The following ANK2 variants were observed in gnomAD, a reference collection of about 807,000 sequenced individuals.
ANK2 encodes the protein ankyrin 2, also known as ankyrin-2.
In ANK2, 83 loss-of-function variants were observed where a neutral mutation model predicts 360.5. That is an observed-to-expected ratio of 0.23 (90% CI 0.19 to 0.28). ANK2 has a LOEUF of 0.28. Among genes scored for constraint, ANK2 ranks in the 10% least tolerant of loss-of-function variants. The pLI, the probability that ANK2 is intolerant of heterozygous loss-of-function variation, is 1.00. For synonymous variants in ANK2, 1,740 were observed against 1,759.5 expected (o/e 0.99, Z 0.28); for missense variants, 4,201 against 4,795.7 (o/e 0.88, Z 3.66).
chr4:112,978,587 G>A (rs956114890), intron 2 of ANK2, among the ~76,000 whole-genome samples: 3 of 152,114 alleles, frequency 2.0e-5, no homozygotes, highest in Non-Finnish European at 4.4e-5. Context: ...TTGTCCTTTT[G>A]TGCCTGCCTT....
At chr4:112,971,014 GA>G (rs773253633) in intron 2 of ANK2, among the ~76,000 whole-genome samples, 13 of 151,692 alleles carry the variant, frequency 8.6e-5, no homozygotes, top group Non-Finnish European at 1.6e-4. Context: ...GGTAAAAGGG[GA>G]AAATATAAAT....
At chr4:113,094,591 A>C (rs1047840455) in intron 1 of ANK2, among the ~76,000 whole-genome samples, 1 of 152,124 alleles carries the variant, frequency 6.6e-6, no homozygotes, top group Non-Finnish European at 1.5e-5. Flanking sequence ...AGTGTATTAC[A>C]GTTATCTTCT....
the ANK2 span, among the ~76,000 whole-genome samples, chr4:112,706,265 C>T: frequency 2.6e-4 from 40 of 152,106 alleles, no homozygotes; most frequent in African/African-American, 9.4e-4. Context: ...ATTGTCCTCG[C>T]GTCCCCCAAG....
chr4:113,237,263 T>C, intron 6 of ANK2, 91 bp downstream of exon 6: 2 of 1,425,690 alleles, frequency 1.4e-6, no homozygotes, highest in East Asian at 2.3e-5. Context: ...ATGGTGATAA[T>C]GCAAAATTAT....
chr4:113,100,031 CAT>C (rs769294228), intron 1 of ANK2, among the ~76,000 whole-genome samples: 3 of 151,934 alleles, frequency 2.0e-5, no homozygotes, highest in Admixed American at 6.6e-5. Flanking sequence ...TAGAAGATAA[CAT>C]AGCAGAAAAT....
intron 17 of ANK2, among the ~76,000 whole-genome samples, chr4:113,279,810 A>G (rs1361416959): frequency 6.6e-6 from 1 of 151,650 alleles, no homozygotes; most frequent in African/African-American, 2.4e-5. Flanking sequence ...AAGTACTTGA[A>G]CTGTCAAAAG....
At chr4:112,983,997 G>A (rs142500839) in intron 2 of ANK2, among the ~76,000 whole-genome samples, 8 of 152,268 alleles carry the variant, frequency 5.3e-5, no homozygotes, top group African/African-American at 1.4e-4. Context: ...CATTCTTGAC[G>A]AAATAATAAT....
At chr4:113,364,164 C>G (rs897728700) in intron 40 of ANK2, among the ~76,000 whole-genome samples, 1 of 152,162 alleles carries the variant, frequency 6.6e-6, no homozygotes, top group Non-Finnish European at 1.5e-5. Flanking sequence ...ACCGCCATCA[C>G]GCATTGGTTC....
At chr4:112,831,260 G>A (rs2059661020) in intron 1 of ANK2, among the ~76,000 whole-genome samples, 1 of 152,264 alleles carries the variant, frequency 6.6e-6, no homozygotes, top group South Asian at 2.1e-4. Context: ...GGCGAAGCAA[G>A]CTGGGCTCCT....
the ANK2 span, among the ~76,000 whole-genome samples, chr4:112,714,969 G>C: frequency 1.3e-5 from 2 of 152,168 alleles, no homozygotes; most frequent in Non-Finnish European, 2.9e-5. Context: ...AAACATAGTG[G>C]CTTCAAACAA....
At chr4:113,234,285 A>T (rs2099353772) in intron 5 of ANK2, among the ~76,000 whole-genome samples, 1 of 152,212 alleles carries the variant, frequency 6.6e-6, no homozygotes, top group African/African-American at 2.4e-5. Context: ...ATCCCCAGAA[A>T]GTTAAAATCC....
Position 113,250,407 on chromosome 4 carries a change from A to G in ANK2, c.990+545A>G, listed in dbSNP as rs1327520966. ...ACCTACAAAGAACTATTAAGCAAGC[A>G]TATTTTCTTTATGACATACTACATC... is the stretch of plus-strand genomic sequence containing the variant. On this transcript the variant is annotated intron_variant, in intron 10 of 45. Coordinates refer to ENST00000357077, the MANE Select transcript of ANK2 (RefSeq NM_001148.6). 3.3e-5 allele frequency among the ~76,000 whole-genome samples: 5 copies of G among 152,224 alleles called. No individual in the cohort carries two copies. The South Asian group carries it at 8.3e-4, about 25-fold the overall frequency.
chr4:112,768,209 C>T, the ANK2 span, among the ~76,000 whole-genome samples: 1 of 152,114 alleles, frequency 6.6e-6, no homozygotes, highest in Admixed American at 6.6e-5. Context: ...CCCAACTGAA[C>T]TCAGAAGCAT....
At position 113,252,618 on chromosome 4, in the gene ANK2, A is replaced by G. The variant is rs1405690546; in HGVS notation, c.990+2756A>G. Among the ~76,000 whole-genome samples, 7 of 151,910 alleles carry G rather than the reference A, an allele frequency of 4.6e-5. 1 individual carries two copies. Among genetic ancestry groups the G allele is most frequent in the Non-Finnish European group, 4.4e-5 (3 of 67,958 alleles). ...AACTTCACACTTGCCAGCCCCTCCT[A>G]TGTTTCAGCTCACTCTCTTCAGAAC... On this transcript the variant is annotated intron_variant, in intron 10 of 45. Transcript: ENST00000357077.
chr4:113,034,840 G>C (rs1258383761), intron 2 of ANK2: 3 of 151,858 alleles, frequency 2.0e-5, no homozygotes, highest in Non-Finnish European at 4.4e-5. Flanking sequence ...TTATTAAATA[G>C]ACATAATAAT....
At chr4:113,372,911 C>T (rs1564178637) in intron 43 of ANK2, among the ~76,000 whole-genome samples, 179 bp from the exon 44 acceptor site, 1 of 152,194 alleles carries the variant, frequency 6.6e-6, no homozygotes, top group African/African-American at 2.4e-5. Flanking sequence ...TGGTCAGATT[C>T]TCCTAAGCAT....
chr4:113,305,169 T>C (rs970468354), intron 23 of ANK2, among the ~76,000 whole-genome samples: 1 of 150,336 alleles, frequency 6.7e-6, no homozygotes. Flanking sequence ...TGAAACCCCG[T>C]CTCTACTAAA....
intron 2 of ANK2, among the ~76,000 whole-genome samples, chr4:112,982,607 A>G (rs1479783161): frequency 6.6e-6 from 1 of 152,222 alleles, no homozygotes; most frequent in Admixed American, 6.5e-5. Context: ...CCTATGTCCT[A>G]GAAGAAAAGT....
intron 1 of ANK2, among the ~76,000 whole-genome samples, chr4:113,076,374 A>G (rs1561888693): frequency 6.6e-6 from 1 of 152,254 alleles, no homozygotes; most frequent in Non-Finnish European, 1.5e-5. Flanking sequence ...TATCAGTATT[A>G]TCTAAACTAA....
Sources: gnomAD v4.1 joint callset for allele counts (sites outside exome capture counted in the v4.1 genomes callset) on GRCh38, gnomAD v4.1.1 for gene constraint, MANE v1.5 for transcripts, NCBI Gene and HGNC (gene_info 2026-07-23, HGNC 2026-07-21) for gene names.